Variants in CNTN2 observed in about 807,000 individuals in gnomAD.
CNTN2 encodes the protein contactin-2.
Under a neutral mutation model 117.5 loss-of-function variants are expected in CNTN2, and 53 were observed. The observed-to-expected ratio is 0.45, with a 90% confidence interval of 0.36 to 0.57. The LOEUF is 0.57. Ranked by LOEUF, CNTN2 falls within the 20% of genes least tolerant of loss-of-function variation. The pLI, the probability that CNTN2 is intolerant of heterozygous loss-of-function variation, is 0.00. For missense variants in CNTN2, 1,106 were observed against 1,404.3 expected (o/e 0.79, Z 3.39); for synonymous variants, 530 against 561.7 (o/e 0.94, Z 0.80).
At chr1:205,047,864 C>T (rs1023149164) in intron 1 of CNTN2, among the ~76,000 whole-genome samples, 3 of 152,076 alleles carry the variant, frequency 2.0e-5, no homozygotes, top group African/African-American at 2.4e-5. Flanking sequence ...CCCCATGGGG[C>T]GGGTCCTGCC....
At position 205,073,528 on chromosome 1, in the gene CNTN2, C is replaced by T. The variant is rs1306942276; in HGVS notation, c.3014-128C>T. ...ACCGTAGGAGTCGGACTGAGAAGAC[C>T]ACCCAGCCGTCCGCTCCCAGGCCTG... is the stretch of plus-strand genomic sequence containing the variant. On this transcript the variant is annotated intron_variant, in intron 22 of 22. Coordinates refer to ENST00000331830, the MANE Select transcript of CNTN2 (RefSeq NM_005076.5). The surrounding 1 kb of genome is among the most constrained non-coding windows in gnomAD (Gnocchi z 6.3). 5.8e-6 allele frequency: 5 copies of T among 861,020 alleles called. No homozygotes were observed. Among genetic ancestry groups the T allele is most frequent in the South Asian group, 4.8e-5 (3 of 62,980 alleles). 53.3% of individuals were successfully genotyped at this position (861,020 alleles called of 1,614,324 possible). A position where few individuals can be genotyped will look rare whatever the true frequency, so the allele number is the denominator to read the frequency against.
chr1:205,066,695 A>T, intron 15 of CNTN2, 96 bp downstream of exon 15: 3 of 1,421,322 alleles, frequency 2.1e-6, no homozygotes, highest in South Asian at 1.3e-5. Flanking sequence ...TCTGAGGGCC[A>T]GGGCTGAGCC....
Position 205,065,233 on chromosome 1 carries a change from C to A in CNTN2, c.1666C>A (p.Pro556Thr), listed in dbSNP as rs1064795601. 5 of 1,614,054 alleles carry A rather than the reference C, an allele frequency of 3.1e-6. No individual in the cohort carries two copies. Among genetic ancestry groups the A allele is most frequent in the Non-Finnish European group, 4.2e-6 (5 of 1,180,036 alleles). Reference sequence around the variant, plus strand: ...CGACTTCCCCATCGACTTTGATAAGCCTGGAGGGCACTACCGGAGAACTAA... The same window carrying A: ...CGACTTCCCCATCGACTTTGATAAGACTGGAGGGCACTACCGGAGAACTAA... The part of the protein sequence containing the change: ...LDDFPIDFDK[P>T]GGHYRRTNVK... Residue 556 changes from proline to threonine, a missense_variant, in exon 13 of 23, where the codon CCT (proline) becomes ACT (threonine). Physicochemically the swap from Pro to Thr is conservative, Grantham distance 38 (BLOSUM62 -1). Transcript: ENST00000331830. This position sits in a 1 kb window ranked among gnomAD's most constrained non-coding sequence, Gnocchi z 4.1.
In CNTN2 at chr1:205,058,311, C is replaced by T. The variant is rs1254663070; in HGVS notation, c.346C>T (p.Pro116Ser). Reference sequence around the variant, plus strand: ...GGTCTACCAGTGCCTGGCCTCCAACCCAGTGGGCACCGTTGTCAGCAGGGA... The same window carrying T: ...GGTCTACCAGTGCCTGGCCTCCAACTCAGTGGGCACCGTTGTCAGCAGGGA... ...AGVYQCLASN[P>S]VGTVVSREAI... is the part of the protein sequence containing the mutation. Residue 116 changes from proline to serine, a missense_variant, in exon 4 of 23, where the codon CCA becomes TCA. Transcript: ENST00000331830. The surrounding 1 kb of genome is among the most constrained non-coding windows in gnomAD (Gnocchi z 4.3). 1.3e-6 allele frequency: 2 copies of T among 1,528,286 alleles called. No individual in the cohort carries two copies. Among genetic ancestry groups the T allele is most frequent in the Non-Finnish European group, 1.8e-6 (2 of 1,136,536 alleles). 94.7% of individuals were successfully genotyped at this position (1,528,286 alleles called of 1,614,324 possible). A position where few individuals can be genotyped will look rare whatever the true frequency, so the allele number is the denominator to read the frequency against.
At chr1:205,062,025 G>T in intron 9 of CNTN2, 24 bp downstream of exon 9, 1 of 1,609,840 alleles carries the variant, frequency 6.2e-7, no homozygotes, top group South Asian at 1.1e-5. Context: ...GGCTTCCCCC[G>T]ACACATCACA....
chr1:205,055,016 T>A (rs577014822), intron 2 of CNTN2, among the ~76,000 whole-genome samples: 19 of 151,626 alleles, frequency 1.3e-4, no homozygotes, highest in Admixed American at 8.5e-4. Context: ...TGTTTGCGGG[T>A]TTTGTTTTTG....
intron 14 of CNTN2, 28 bp from the exon 15 acceptor site, chr1:205,066,413 C>T (rs1162895186): frequency 6.2e-7 from 1 of 1,607,828 alleles, no homozygotes; most frequent in Admixed American, 1.7e-5. Flanking sequence ...CCAATTCTGA[C>T]CCACTGTGCT....
Position 205,059,472 on chromosome 1 carries a change from T to G in CNTN2, c.698-111T>G. 1 of 1,243,038 alleles carries G rather than the reference T, an allele frequency of 8.0e-7. No homozygotes were observed. The allele number at this position is 1,243,038 out of a possible 1,614,324, so 77.0% of individuals were successfully genotyped here. ...CCCTTGCCCCAGGCCTCAAGGAGATTCCACACAGCTGCCTAGACAGAGTTG... is the reference window on the plus strand; with the variant it reads ...CCCTTGCCCCAGGCCTCAAGGAGATGCCACACAGCTGCCTAGACAGAGTTG... On this transcript the variant is annotated intron_variant, in intron 6 of 22. Transcript: ENST00000331830. The surrounding 1 kb of genome is among the most constrained non-coding windows in gnomAD (Gnocchi z 5.6).
chr1:205,059,093 A>C lies in CNTN2; in HGVS notation c.497A>C (p.Tyr166Ser). Residue 166 changes from tyrosine (Y) to serine (S), a missense_variant, in exon 6 of 23, where the codon TAC (tyrosine) becomes TCC (serine). By Grantham distance (144) the Tyr-to-Ser change is moderately radical. Coordinates refer to ENST00000331830, the MANE Select transcript of CNTN2 (RefSeq NM_005076.5). This position sits in a 1 kb window ranked among gnomAD's most constrained non-coding sequence, Gnocchi z 5.6. ...NPPAHYPGLS[Y>S]RWLLNEFPNF... Reference sequence around the variant, plus strand: ...ACTCCTCACATCCTAGGCTTGTCCTACCGCTGGCTCCTCAACGAGTTCCCC... The same window carrying C: ...ACTCCTCACATCCTAGGCTTGTCCTCCCGCTGGCTCCTCAACGAGTTCCCC... 6.2e-7 allele frequency: 1 copy of C among 1,614,146 alleles called. No homozygotes were observed. Among genetic ancestry groups the C allele is most frequent in the Non-Finnish European group, 8.5e-7 (1 of 1,180,030 alleles).
intron 19 of CNTN2, 34 bp from the exon 20 acceptor site, chr1:205,071,913 A>G (rs1478363463): frequency 6.3e-7 from 1 of 1,578,460 alleles, no homozygotes; most frequent in East Asian, 2.3e-5. Context: ...CCTGGGCTTG[A>G]CTACTACCCC....
At chr1:205,050,405 G>A (rs1047365345) in intron 1 of CNTN2, among the ~76,000 whole-genome samples, 3 of 151,992 alleles carry the variant, frequency 2.0e-5, no homozygotes, top group African/African-American at 7.3e-5. Flanking sequence ...GACTGTCCCT[G>A]ACTTACAGTG....
chr1:205,073,109 C>T lies in CNTN2; in HGVS notation c.2886C>T (p.His962=), dbSNP rs56111335. 3,252 of 1,614,186 alleles carry T rather than the reference C, an allele frequency of 2.0e-3. 69 individuals carry two copies. In the African/African-American group the frequency reaches 0.039, roughly 19 times the overall value. Residue 962 remains histidine (H), a synonymous_variant, in exon 22 of 23, where the codon CAC becomes CAT. Transcript: ENST00000331830. This position sits in a 1 kb window ranked among gnomAD's most constrained non-coding sequence, Gnocchi z 6.3. ...ACTTACACCTGACTCCCACGCTCCA[C>T]CTCACCGGCAAGAACTGGATAGAAA... ...QNDLHLTPTL[H]LTGKNWIEIP...
chr1:205,073,413 G>GC lies in CNTN2; in HGVS notation c.3013+182dup. The GC allele has an allele frequency of 1.2e-6, 1 of 852,282 alleles. No individual in the cohort carries two copies. Among genetic ancestry groups the GC allele is most frequent in the Non-Finnish European group, 1.8e-6 (1 of 561,816 alleles). 52.8% of individuals were successfully genotyped at this position (852,282 alleles called of 1,614,324 possible). On this transcript the variant is annotated intron_variant, in intron 22 of 22. Coordinates refer to ENST00000331830, the MANE Select transcript of CNTN2 (RefSeq NM_005076.5). This position sits in a 1 kb window ranked among gnomAD's most constrained non-coding sequence, Gnocchi z 6.3. ...TGCCTCGCCGCCACCTTTCTACCCAGCCCCCAGAACATCCCCGAGGGCCAG... is the reference window on the plus strand; with the variant it reads ...TGCCTCGCCGCCACCTTTCTACCCAGCCCCCCAGAACATCCCCGAGGGCCAG...
intron 1 of CNTN2, among the ~76,000 whole-genome samples, chr1:205,046,244 T>C (rs1404856332): frequency 6.6e-6 from 1 of 152,186 alleles, no homozygotes; most frequent in Non-Finnish European, 1.5e-5. Context: ...GAGTGTGATA[T>C]TCTCATCCAA....
chr1:205,069,299 A>C, intron 16 of CNTN2, 192 bp from the exon 17 acceptor site: 1 of 564,494 alleles, frequency 1.8e-6, no homozygotes, highest in East Asian at 2.9e-5. Context: ...CAGCTAGTAA[A>C]TGGCAGAGGT....
In CNTN2 at chr1:205,044,092, T is replaced by C. The variant is rs897550194; in HGVS notation, c.-87+698T>C. Reference sequence around the variant, plus strand: ...CAACCTTAGCTTCTCCTCAAATCCCTCCCCCCCATCCTCACTGGTGGGAGG... The same window carrying C: ...CAACCTTAGCTTCTCCTCAAATCCCCCCCCCCCATCCTCACTGGTGGGAGG... On this transcript the variant is annotated intron_variant, in intron 1 of 22. Coordinates refer to ENST00000331830, the MANE Select transcript of CNTN2 (RefSeq NM_005076.5). Among the ~76,000 whole-genome samples, 76 of 150,276 alleles carry C rather than the reference T, an allele frequency of 5.1e-4. No individual in the cohort carries two copies. The East Asian group carries it at 0.015, about 29-fold the overall frequency.
chr1:205,061,359 C>T lies in CNTN2; in HGVS notation c.912C>T (p.Tyr304=), dbSNP rs762026633. Residue 304 remains tyrosine, a synonymous_variant, in exon 8 of 23, where the codon TAC becomes TAT. Transcript: ENST00000331830. The surrounding 1 kb of genome is among the most constrained non-coding windows in gnomAD (Gnocchi z 4.8). ...PSVSFEDEGT[Y]ECEAENSKGR... ...TCAGCTTTGAGGATGAGGGCACCTA[C>T]GAGTGTGAGGCGGAGAACTCCAAGG... 56 of 1,613,708 alleles carry T rather than the reference C, an allele frequency of 3.5e-5. No homozygotes were observed. Among genetic ancestry groups the T allele is most frequent in the Middle Eastern group, 1.6e-4 (1 of 6,078 alleles).
At position 205,059,980 on chromosome 1, in the gene CNTN2, T is replaced by G; in HGVS notation, c.797+298T>G. ...GAGGCAGGCAGCACAGTGTACAGAC[T>G]CCAACCCTGTCTGTCTCATTCAGAT... On this transcript the variant is annotated intron_variant, in intron 7 of 22. Coordinates refer to ENST00000331830, the MANE Select transcript of CNTN2 (RefSeq NM_005076.5). The surrounding 1 kb of genome is among the most constrained non-coding windows in gnomAD (Gnocchi z 5.6). 2.5e-6 allele frequency: 1 copy of G among 392,614 alleles called. No individual in the cohort carries two copies. Among genetic ancestry groups the G allele is most frequent in the Non-Finnish European group, 4.7e-6 (1 of 212,590 alleles). 24.3% of individuals were successfully genotyped at this position (392,614 alleles called of 1,614,324 possible).
intron 1 of CNTN2, among the ~76,000 whole-genome samples, chr1:205,044,165 GC>G (rs955501126): frequency 1.3e-5 from 2 of 152,162 alleles, no homozygotes; most frequent in African/African-American, 4.8e-5. Context: ...AGGGGCTGGG[GC>G]CAGAATGGTA....
Sources: allele counts gnomAD v4.1 joint callset (sites outside exome capture counted in the v4.1 genomes callset), GRCh38; gene constraint gnomAD v4.1.1; non-coding constraint Gnocchi (gnomAD v3.1); transcripts MANE v1.5; gene names NCBI Gene and HGNC (gene_info 2026-07-23, HGNC 2026-07-21).